Variants in LMBRD2 observed in about 807,000 individuals in gnomAD.
The protein encoded by LMBRD2 is G protein-coupled receptor-associated protein LMBRD2.
LMBRD2 carries 55 observed loss-of-function variants against 94.4 expected under a neutral mutation model. That is an observed-to-expected ratio of 0.58 (90% CI 0.47 to 0.73). LMBRD2 has a LOEUF of 0.73. Ranked by LOEUF, LMBRD2 falls within the 30% of genes least tolerant of loss-of-function variation. The pLI is 0.00. For missense variants in LMBRD2, 640 were observed against 831.9 expected (o/e 0.77, Z 2.84); for synonymous variants, 246 against 272.4 (o/e 0.90, Z 0.95).
At chr5:36,106,509 GTT>G (rs70973085) in intron 16 of LMBRD2, among the ~76,000 whole-genome samples, 4 of 119,406 alleles carry the variant, frequency 3.3e-5, no homozygotes, top group Non-Finnish European at 5.0e-5. Flanking sequence ...TTTTTCTTTC[GTT>G]TTTTTTTTTT....
intron 9 of LMBRD2, among the ~76,000 whole-genome samples, chr5:36,120,312 G>GA (rs1743860074): frequency 6.6e-6 from 1 of 151,534 alleles, no homozygotes. Context: ...AGGTAGGCTG[G>GA]AGTGCAGTGG....
At chr5:36,110,012 T>A (rs1056043114) in intron 14 of LMBRD2, 21 bp from the exon 15 acceptor site, 6 of 1,591,410 alleles carry the variant, frequency 3.8e-6, no homozygotes, top group Non-Finnish European at 2.6e-6. Context: ...AAAAATGATC[T>A]CAAATATGGC....
intron 15 of LMBRD2, 104 bp from the exon 16 acceptor site, chr5:36,108,743 G>A: frequency 2.2e-6 from 1 of 456,956 alleles, no homozygotes; most frequent in East Asian, 3.4e-5. Context: ...AGATTCATTA[G>A]TAATCAATAT....
In LMBRD2 at chr5:36,108,533, C is replaced by A. The variant is rs1743526075; in HGVS notation, c.1897+1G>T. 1 of 1,503,894 alleles carries A rather than the reference C, an allele frequency of 6.6e-7. No individual in the cohort carries two copies. The highest frequency in any genetic ancestry group is 9.1e-7 in the Non-Finnish European group (1 of 1,095,580). The allele number at this position is 1,503,894 out of a possible 1,614,324, so 93.2% of individuals were successfully genotyped here. A position where few individuals can be genotyped will look rare whatever the true frequency, so the allele number is the denominator to read the frequency against. ...AGTGAACTAGAAGATAAACTACTTA[C>A]AACGGTTGGTATTAACATCTGAGAA... On this transcript the variant is annotated splice_donor_variant, in intron 16 of 17. Transcript: ENST00000296603. LOFTEE classifies it high-confidence loss of function.
rs745988753 is a variant in LMBRD2 at position 36,100,261 on chromosome 5, G to A, written c.*3785C>T. 4 of 152,060 alleles carry A rather than the reference G, an allele frequency of 2.6e-5. No individual in the cohort carries two copies. The highest frequency in any genetic ancestry group is 5.9e-5 in the Non-Finnish European group (4 of 67,974). 9.4% of individuals were successfully genotyped at this position (152,060 alleles called of 1,614,324 possible). ...TATTTTTATGTAAAAATATTACACT[G>A]AAAACAATTTATTTACTGATGTGTC... is the stretch of plus-strand genomic sequence containing the variant. On this transcript the variant is annotated 3_prime_UTR_variant, in exon 18 of 18. Transcript: ENST00000296603.
intron 16 of LMBRD2, among the ~76,000 whole-genome samples, chr5:36,107,563 G>A (rs954296553): frequency 6.6e-6 from 1 of 152,192 alleles, no homozygotes; most frequent in Non-Finnish European, 1.5e-5. Context: ...TCTGAGTTTG[G>A]ATTTGGTTGT....
At chr5:36,131,843 C>G (rs1198187519) in intron 6 of LMBRD2, among the ~76,000 whole-genome samples, 1 of 152,042 alleles carries the variant, frequency 6.6e-6, no homozygotes, top group Non-Finnish European at 1.5e-5. Flanking sequence ...AAAGGTATTC[C>G]ATTTTCATGG....
intron 16 of LMBRD2, among the ~76,000 whole-genome samples, chr5:36,106,419 A>G (rs1326942188): frequency 6.6e-6 from 1 of 151,984 alleles, no homozygotes; most frequent in Non-Finnish European, 1.5e-5. Flanking sequence ...ACTGCCATCA[A>G]ATTCATCTTT....
At chr5:36,107,094 T>A (rs1743490077) in intron 16 of LMBRD2, among the ~76,000 whole-genome samples, 1 of 152,216 alleles carries the variant, frequency 6.6e-6, no homozygotes, top group African/African-American at 2.4e-5. Context: ...GCTGAATTCC[T>A]TCTGCATCTG....
intron 3 of LMBRD2, 40 bp from the exon 4 acceptor site, chr5:36,141,242 C>T (rs1744403841): frequency 8.7e-7 from 1 of 1,143,894 alleles, no homozygotes; most frequent in Non-Finnish European, 1.3e-6. Context: ...TCATAAATGA[C>T]TACTTAAATG....
intron 9 of LMBRD2, 126 bp from the exon 10 acceptor site, chr5:36,118,042 A>T: frequency 1.4e-6 from 1 of 729,148 alleles, no homozygotes; most frequent in Non-Finnish European, 2.2e-6. Flanking sequence ...TTTACAGTGG[A>T]GAATCCAGGC....
intron 16 of LMBRD2, 128 bp from the exon 17 acceptor site, chr5:36,105,325 T>C (rs1039579969): frequency 8.8e-6 from 7 of 797,790 alleles, no homozygotes; most frequent in Non-Finnish European, 1.2e-5. Flanking sequence ...TAAGAAAAGA[T>C]AACTACATGG....
chr5:36,140,276 C>T (rs1744372893), intron 4 of LMBRD2, among the ~76,000 whole-genome samples: 1 of 152,248 alleles, frequency 6.6e-6, no homozygotes, highest in South Asian at 2.1e-4. Flanking sequence ...TGGCTGTGCT[C>T]AGTGGCTGGA....
intron 6 of LMBRD2, among the ~76,000 whole-genome samples, chr5:36,129,031 T>G (rs898773611): frequency 6.6e-6 from 1 of 152,092 alleles, no homozygotes; most frequent in African/African-American, 2.4e-5. Flanking sequence ...AGAAGACACT[T>G]GAAAATTTGG....
chr5:36,137,164 A>G (rs962108927), intron 5 of LMBRD2, 110 bp downstream of exon 5: 1 of 653,436 alleles, frequency 1.5e-6, no homozygotes, highest in African/African-American at 1.8e-5. Flanking sequence ...AATATGTAAC[A>G]ATATATTTCT....
At chr5:36,116,740 G>A (rs544787956) in intron 10 of LMBRD2, 147 bp from the exon 11 acceptor site, 59 of 668,908 alleles carry the variant, frequency 8.8e-5, no homozygotes, top group Middle Eastern at 9.0e-4. Flanking sequence ...GCAGTGGCGC[G>A]ATCTTGGCTC....
Position 36,114,513 on chromosome 5 carries a change from A to G in LMBRD2, c.1551T>C (p.Gly517=). 1 of 1,543,474 alleles carries G rather than the reference A, an allele frequency of 6.5e-7. No individual in the cohort carries two copies. The highest frequency in any genetic ancestry group is 1.7e-4 in the Middle Eastern group (1 of 5,858). ...CAATAAAGGATAAAACTTTCATGGA[A>G]CCCATAATCTGAAGAGCAAGAAAAA... ...TQPTAYTSIM[G]SMKVLSFIAD... Residue 517 remains glycine, a synonymous_variant, in exon 13 of 18, where the codon GGT becomes GGC. Coordinates refer to ENST00000296603, the MANE Select transcript of LMBRD2 (RefSeq NM_001007527.2).
chr5:36,111,592 T>C (rs1269022490), intron 13 of LMBRD2, among the ~76,000 whole-genome samples: 1 of 152,112 alleles, frequency 6.6e-6, no homozygotes, highest in Non-Finnish European at 1.5e-5. Flanking sequence ...ATTTTTTTCC[T>C]CTGATCTAGT....
chr5:36,106,409 A>G (rs1389974114), intron 16 of LMBRD2, among the ~76,000 whole-genome samples: 5 of 151,836 alleles, frequency 3.3e-5, no homozygotes, highest in African/African-American at 1.2e-4. Context: ...TATGCTTTAT[A>G]CTGCCATCAA....
Sources: gnomAD v4.1 joint callset for allele counts (sites outside exome capture counted in the v4.1 genomes callset) on GRCh38, gnomAD v4.1.1 for gene constraint, MANE v1.5 for transcripts, NCBI Gene and HGNC (gene_info 2026-07-23, HGNC 2026-07-21) for gene names.